ACIN1: variants seen among roughly 807,000 people sequenced by gnomAD.
ACIN1 encodes the protein apoptotic chromatin condensation inducer in the nucleus.
In ACIN1, 16 loss-of-function variants were observed where a neutral mutation model predicts 146.6. That is an observed-to-expected ratio of 0.11 (90% confidence interval 0.07 to 0.17). The LOEUF is 0.17. ACIN1 is among the 10% of genes least tolerant of loss of function. The pLI, the probability that ACIN1 is intolerant of heterozygous loss-of-function variation, is 1.00. For synonymous variants in ACIN1, 569 were observed against 582.7 expected (o/e 0.98, Z 0.34); for missense variants, 1,357 against 1,609.3 (o/e 0.84, Z 2.68).
chr14:23,062,852 T>A, intron 14 of ACIN1, 77 bp downstream of exon 14: 1 of 1,469,852 alleles, frequency 6.8e-7, no homozygotes, highest in Non-Finnish European at 9.2e-7. Flanking sequence ...CAACTATGAG[T>A]GGAACCTAGG....
chr14:23,088,792 T>G (rs947484102), intron 4 of ACIN1, among the ~76,000 whole-genome samples: 1 of 152,244 alleles, frequency 6.6e-6, no homozygotes, highest in African/African-American at 2.4e-5. Context: ...TTTGGATTTT[T>G]GAATATTTGC....
chr14:23,078,281 C>CA lies in ACIN1; in HGVS notation c.2008-16dup. The CA allele has an allele frequency of 6.2e-7, 1 of 1,609,522 alleles. No homozygotes were observed. Among genetic ancestry groups the CA allele is most frequent in the Non-Finnish European group, 8.5e-7 (1 of 1,176,436 alleles). On this transcript the variant is annotated splice_polypyrimidine_tract_variant and intron_variant, in intron 7 of 18. Coordinates refer to ENST00000605057, the MANE Select transcript of ACIN1 (RefSeq NM_001386863.1). Reference sequence around the variant, plus strand: ...TTTGGGCTCCCCTGTCAGGAGATAGCAAAAACGAACAGAGCAAAACATTTA... The same window carrying CA: ...TTTGGGCTCCCCTGTCAGGAGATAGCAAAAAACGAACAGAGCAAAACATTTA...
In ACIN1 at chr14:23,075,532, C is replaced by T. The variant is rs182603868; in HGVS notation, c.2123+2619G>A. Among the ~76,000 whole-genome samples, 25 of 152,098 alleles carry T rather than the reference C, an allele frequency of 1.6e-4. No homozygotes were observed. In the East Asian group the frequency reaches 4.8e-3, roughly 29 times the overall value. ...AGAATTCCTCAGGCACAATCAGAAT[C>T]AGAATGGATTTAACCAAACACAGCA... On this transcript the variant is annotated intron_variant, in intron 8 of 18. Transcript: ENST00000605057.
Position 23,058,890 on chromosome 14 carries a change from A to T in ACIN1, c.*258T>A. 1.9e-6 allele frequency: 1 copy of T among 519,434 alleles called. No individual in the cohort carries two copies. Among genetic ancestry groups the T allele is most frequent in the East Asian group, 3.0e-5 (1 of 33,242 alleles). 32.2% of individuals were successfully genotyped at this position (519,434 alleles called of 1,614,324 possible). Reference sequence around the variant, plus strand: ...GGCTGTTCCCCATCTCTGGCCAACCACCTCCTTGCCTAACCTAGCTCTTGC... The same window carrying T: ...GGCTGTTCCCCATCTCTGGCCAACCTCCTCCTTGCCTAACCTAGCTCTTGC... On this transcript the variant is annotated 3_prime_UTR_variant, in exon 19 of 19. Transcript: ENST00000605057.
rs1440069515 is a variant in ACIN1, at chr14:23,067,607, G to A, written c.2266-1599C>T. 3 of 985,886 alleles carry A rather than the reference G, an allele frequency of 3.0e-6. No homozygotes were observed. The highest frequency in any genetic ancestry group is 3.5e-5 in the African/African-American group (2 of 57,256). 61.1% of individuals were successfully genotyped at this position (985,886 alleles called of 1,614,324 possible). A position where few individuals can be genotyped will look rare whatever the true frequency, so the allele number is the denominator to read the frequency against. ...GAGGGATAGAGGGGGGAAAGGGGCA[G>A]AGACATCAGTCCTGGCCCTGAAGGG... On this transcript the variant is annotated intron_variant, in intron 9 of 18. Transcript: ENST00000605057. The surrounding 1 kb of genome is among the most constrained non-coding windows in gnomAD (Gnocchi z 4.6).
At chr14:23,062,063 G>C (rs1263519611) in intron 16 of ACIN1, 105 bp downstream of exon 16, 2 of 885,154 alleles carry the variant, frequency 2.3e-6, no homozygotes, top group Non-Finnish European at 3.6e-6. Flanking sequence ...GAAGAGAAAA[G>C]AACAGAAGCT....
intron 8 of ACIN1, 138 bp downstream of exon 8, chr14:23,078,013 T>TAGTAACTGA: frequency 1.3e-6 from 1 of 748,546 alleles, no homozygotes; most frequent in Non-Finnish European, 2.2e-6. Flanking sequence ...AACTGAAGTC[T>TAGTAACTGA]AGCCTTTGTC....
intron 18 of ACIN1, among the ~76,000 whole-genome samples, chr14:23,059,854 C>T (rs2047215544): frequency 2.0e-5 from 3 of 146,972 alleles, no homozygotes; most frequent in Middle Eastern, 3.4e-3. Flanking sequence ...CGGGGCTTCA[C>T]CGTTGTTAGC....
At chr14:23,066,089 G>T in intron 9 of ACIN1, 81 bp from the exon 10 acceptor site, 3 of 1,134,156 alleles carry the variant, frequency 2.6e-6, no homozygotes, top group Non-Finnish European at 2.6e-6. Flanking sequence ...AGATGGGGCA[G>T]TCTTAGCTTA....
In ACIN1 at chr14:23,063,092, AG is replaced by A. The variant is rs2047338621; in HGVS notation, c.2738-19del. 1 of 1,590,142 alleles carries A rather than the reference AG, an allele frequency of 6.3e-7. No homozygotes were observed. On this transcript the variant is annotated intron_variant, in intron 13 of 18. Coordinates refer to ENST00000605057, the MANE Select transcript of ACIN1 (RefSeq NM_001386863.1). ...TAAAGTCACTATCAAGAAGACCACAAGAACAGCTTTTGGTAGGAAGCAATAC... is the reference window on the plus strand; with the variant it reads ...TAAAGTCACTATCAAGAAGACCACAAAACAGCTTTTGGTAGGAAGCAATAC...
At chr14:23,063,301 T>C in intron 13 of ACIN1, 135 bp downstream of exon 13, 6 of 1,255,142 alleles carry the variant, frequency 4.8e-6, no homozygotes, top group Non-Finnish European at 6.5e-6. Flanking sequence ...GCTTACTTAA[T>C]ATGTAGGAGA....
chr14:23,067,260 TAAA>T lies in ACIN1; in HGVS notation c.2266-1255_2266-1253del. The T allele has an allele frequency of 1.0e-6, 1 of 955,520 alleles. No homozygotes were observed. The highest frequency in any genetic ancestry group is 4.9e-5 in the South Asian group (1 of 20,492). 59.2% of individuals were successfully genotyped at this position (955,520 alleles called of 1,614,324 possible). On this transcript the variant is annotated intron_variant, in intron 9 of 18. Transcript: ENST00000605057. This position sits in a 1 kb window ranked among gnomAD's most constrained non-coding sequence, Gnocchi z 4.6. ...AAATATTAAAAAAAGAAGAAGAAAA[TAAA>T]GAAGAAAATAAACTAGGAATATGAC...
At chr14:23,071,195 GAAGA>G (rs1234652309) in intron 8 of ACIN1, 39 of 1,521,630 alleles carry the variant, frequency 2.6e-5, no homozygotes, top group Non-Finnish European at 3.3e-5. Flanking sequence ...TTCTGGAATG[GAAGA>G]AATAACAAAA....
intron 8 of ACIN1, among the ~76,000 whole-genome samples, chr14:23,070,287 A>G (rs1306780394): frequency 1.3e-5 from 2 of 152,144 alleles, no homozygotes; most frequent in African/African-American, 4.8e-5. Flanking sequence ...TCTCTCATTC[A>G]AAAGGAAAAA....
chr14:23,064,896 C>CA lies in ACIN1; in HGVS notation c.2309-409dup, dbSNP rs55914303. Among the ~76,000 whole-genome samples the CA allele has an allele frequency of 3.6e-3, 420 of 116,426 alleles. 17 individuals are homozygous for CA. The East Asian group carries it at 0.069, about 19-fold the overall frequency. The allele number at this position is 116,426 out of a possible 152,430, so 76.4% of individuals were successfully genotyped here. On this transcript the variant is annotated intron_variant, in intron 10 of 18. Transcript: ENST00000605057. ...CTGGTGACAGAGCAAGACTCCGTCT[C>CA]AAAAAAAAAAAAAGAAAAGAAATCA...
At chr14:23,083,227 C>T (rs2047996121) in intron 4 of ACIN1, among the ~76,000 whole-genome samples, 1 of 151,536 alleles carries the variant, frequency 6.6e-6, no homozygotes, top group African/African-American at 2.4e-5. Context: ...TCTTTTTAGA[C>T]AGTGTTTTAC....
At chr14:23,093,008 G>A (rs2050765062) in intron 2 of ACIN1, among the ~76,000 whole-genome samples, 1 of 152,210 alleles carries the variant, frequency 6.6e-6, no homozygotes, top group African/African-American at 2.4e-5. Context: ...ATGAGTAAGT[G>A]CACTGAGTTA....
In ACIN1 at chr14:23,068,607, C is replaced by A; in HGVS notation, c.2265+869G>T. The A allele has an allele frequency of 1.0e-6, 1 of 985,874 alleles. No homozygotes were observed. Among genetic ancestry groups the A allele is most frequent in the Non-Finnish European group, 1.2e-6 (1 of 829,988 alleles). The allele number at this position is 985,874 out of a possible 1,614,324, so 61.1% of individuals were successfully genotyped here. ...CAGCGGGTGGGTCCAGAGGAAGAGG[C>A]GGCATCAGCGATTGGCCAGTTGGGC... On this transcript the variant is annotated intron_variant, in intron 9 of 18. Coordinates refer to ENST00000605057, the MANE Select transcript of ACIN1 (RefSeq NM_001386863.1). The surrounding 1 kb of genome is among the most constrained non-coding windows in gnomAD (Gnocchi z 4.3).
chr14:23,080,995 C>A (rs1212592317), intron 5 of ACIN1, among the ~76,000 whole-genome samples, 186 bp from the exon 6 acceptor site: 2 of 151,420 alleles, frequency 1.3e-5, no homozygotes, highest in Non-Finnish European at 2.9e-5. Context: ...AACAAAGTGA[C>A]CAAAAGAAAT....
Sources: gnomAD v4.1 joint callset for allele counts (sites outside exome capture counted in the v4.1 genomes callset) on GRCh38, gnomAD v4.1.1 for gene constraint, Gnocchi (gnomAD v3.1) non-coding constraint, MANE v1.5 for transcripts, NCBI Gene and HGNC (gene_info 2026-07-23, HGNC 2026-07-21) for gene names.